The following KIAA1958 variants were observed in gnomAD, a reference collection of about 807,000 sequenced individuals.
KIAA1958 encodes uncharacterized protein KIAA1958.
A neutral mutation model predicts 47.2 loss-of-function variants in KIAA1958; 14 were observed. The ratio of observed to expected loss-of-function variants is 0.30; its 90% CI spans 0.20 to 0.46. The LOEUF (loss-of-function observed/expected upper bound fraction) is 0.46, where lower values mean the gene tolerates loss of function less well. Ranked by LOEUF, KIAA1958 falls within the 20% of genes least tolerant of loss-of-function variation. The pLI, the probability that KIAA1958 is intolerant of heterozygous loss-of-function variation, is 1.00. For synonymous variants in KIAA1958, 354 were observed against 353.3 expected (o/e 1.00, Z -0.02); for missense variants, 803 against 909.2 (o/e 0.88, Z 1.50).
At chr9:112,654,158 A>G (rs1222521566) in intron 3 of KIAA1958, among the ~76,000 whole-genome samples, 1 of 152,226 alleles carries the variant, frequency 6.6e-6, no homozygotes, top group Non-Finnish European at 1.5e-5. Flanking sequence ...TTGCACACAA[A>G]GTAAACAGTT....
chr9:112,618,317 G>A lies in KIAA1958; in HGVS notation c.1172-27333G>A. The A allele has an allele frequency of 1.9e-6, 3 of 1,551,190 alleles. No homozygotes were observed. Among genetic ancestry groups the A allele is most frequent in the Middle Eastern group, 1.7e-4 (1 of 5,998 alleles). ...GGGACTGCTAAGCCGATATAACCCC[G>A]AGGGTTTGCTCAACCTAGTCTGGCT... On this transcript the variant is annotated intron_variant, in intron 2 of 3. Transcript: ENST00000337530. This position sits in a 1 kb window ranked among gnomAD's most constrained non-coding sequence, Gnocchi z 7.1.
chr9:112,523,771 G>A (rs1834594229), intron 1 of KIAA1958, among the ~76,000 whole-genome samples: 1 of 152,228 alleles, frequency 6.6e-6, no homozygotes, highest in African/African-American at 2.4e-5. Context: ...CAGGACTCAA[G>A]TATGAGTTGA....
chr9:112,522,628 C>T (rs945376149), intron 1 of KIAA1958, among the ~76,000 whole-genome samples: 6 of 152,158 alleles, frequency 3.9e-5, no homozygotes, highest in Non-Finnish European at 5.9e-5. Context: ...TTGCTTTGAC[C>T]TTGGGTCCTG....
rs1322795553 is a variant in KIAA1958, at chr9:112,665,020, G to A, written c.*4951G>A. ...TGGTTGACCAGAATCTGATTGTTGC[G>A]CTCAATTAAAGTGCTTATTATTTAG... is the stretch of plus-strand genomic sequence containing the variant. On this transcript the variant is annotated 3_prime_UTR_variant, in exon 4 of 4. Transcript: ENST00000337530. The A allele has an allele frequency of 8.9e-5, 12 of 135,478 alleles. No homozygotes were observed. Among genetic ancestry groups the A allele is most frequent in the Admixed American group, 3.7e-4 (5 of 13,594 alleles). 8.4% of individuals were successfully genotyped at this position (135,478 alleles called of 1,614,324 possible).
At chr9:112,603,336 C>A (rs1687058516) in intron 2 of KIAA1958, among the ~76,000 whole-genome samples, 1 of 152,104 alleles carries the variant, frequency 6.6e-6, no homozygotes, top group South Asian at 2.1e-4. Flanking sequence ...GTGGCTATCC[C>A]ATTGGTCTAG....
At chr9:112,658,711 G>A (rs530441390) in intron 3 of KIAA1958, among the ~76,000 whole-genome samples, 3 of 151,980 alleles carry the variant, frequency 2.0e-5, no homozygotes, top group Non-Finnish European at 4.4e-5. Flanking sequence ...TGTAATCCCA[G>A]CACTTTGGGA....
chr9:112,600,229 G>A (rs554114408), intron 2 of KIAA1958, among the ~76,000 whole-genome samples: 163 of 152,116 alleles, frequency 1.1e-3, no homozygotes, highest in Non-Finnish European at 2.0e-3. Context: ...TTATTTATCC[G>A]CACCTGTCAT....
intron 2 of KIAA1958, chr9:112,617,856 C>A (rs990188655): frequency 3.9e-6 from 6 of 1,537,230 alleles, no homozygotes; most frequent in South Asian, 2.4e-5. Context: ...TCCCTCCCCC[C>A]CCAATTTGTT....
chr9:112,604,373 G>C (rs999669111), intron 2 of KIAA1958, among the ~76,000 whole-genome samples: 1 of 152,130 alleles, frequency 6.6e-6, no homozygotes, highest in African/African-American at 2.4e-5. Context: ...AAAACTTTTC[G>C]ATCTGTCGGC....
At chr9:112,563,098 T>TATAA (rs1835365891) in intron 1 of KIAA1958, among the ~76,000 whole-genome samples, 1 of 149,532 alleles carries the variant, frequency 6.7e-6, no homozygotes, top group South Asian at 2.1e-4. Context: ...TATATATATA[T>TATAA]AAATTTTTTT....
rs1313242824 is a variant in KIAA1958 at position 112,539,377 on chromosome 9, TA to T, written c.-24-34679del. 7.2e-5 allele frequency among the ~76,000 whole-genome samples: 11 copies of T among 152,372 alleles called. No individual in the cohort carries two copies. In the South Asian group the frequency reaches 2.3e-3, roughly 32 times the overall value. On this transcript the variant is annotated intron_variant, in intron 1 of 3. Transcript: ENST00000337530. ...ATTTGGACATAAAAAGGATACATGCTACCATATGGGTTAACCTTGAAAACAT... is the reference window on the plus strand; with the variant it reads ...ATTTGGACATAAAAAGGATACATGCTCCATATGGGTTAACCTTGAAAACAT...
Position 112,659,491 on chromosome 9 carries a change from G to T in KIAA1958, c.1573G>T (p.Ala525Ser), listed in dbSNP as rs759469555. 1.2e-6 allele frequency: 2 copies of T among 1,613,538 alleles called. No homozygotes were observed. The highest frequency in any genetic ancestry group is 2.7e-5 in the African/African-American group (2 of 74,986). ...WVLSKAGMSG[A>S]RSRNIVYFSL... ...GCTGAGTAAGGCAGGCATGTCGGGC[G>T]CGCGTTCTCGCAACATCGTCTACTT... Residue 525 changes from alanine (A) to serine (S), a missense_variant, in exon 4 of 4, where the codon GCG (alanine) becomes TCG (serine). By Grantham distance (99) the Ala-to-Ser change is moderately conservative. Around this residue, in one of 2 missense-constraint regions of KIAA1958, gnomAD observed 761 missense variants for 829.3 expected, o/e 0.92. Transcript: ENST00000337530.
At chr9:112,632,922 T>A (rs57985778) in intron 2 of KIAA1958, among the ~76,000 whole-genome samples, 87 of 126,512 alleles carry the variant, frequency 6.9e-4, no homozygotes, top group Admixed American at 4.6e-3. Context: ...TTTTTTTTTT[T>A]TAAAAAAAGA....
At chr9:112,603,745 A>G (rs1836176440) in intron 2 of KIAA1958, among the ~76,000 whole-genome samples, 1 of 152,236 alleles carries the variant, frequency 6.6e-6, no homozygotes, top group South Asian at 2.1e-4. Context: ...TACATCCCAC[A>G]GGTCTTCTTG....
rs1312334338 is a variant in KIAA1958, at chr9:112,618,184, A to G, written c.1172-27466A>G. On this transcript the variant is annotated intron_variant, in intron 2 of 3. Transcript: ENST00000337530. This position sits in a 1 kb window ranked among gnomAD's most constrained non-coding sequence, Gnocchi z 7.1. ...GGGATAAGGAATTCAAGCGTTCCCA[A>G]GAGGCCCTGAAGCAGAAGCAAATTG... is the stretch of plus-strand genomic sequence containing the variant. 5 of 1,550,642 alleles carry G rather than the reference A, an allele frequency of 3.2e-6. No homozygotes were observed. Among genetic ancestry groups the G allele is most frequent in the Non-Finnish European group, 4.4e-6 (5 of 1,147,008 alleles).
At chr9:112,651,369 T>TA (rs1368394111) in intron 3 of KIAA1958, among the ~76,000 whole-genome samples, 1 of 148,528 alleles carries the variant, frequency 6.7e-6, no homozygotes, top group Admixed American at 6.8e-5. Flanking sequence ...TATATATATA[T>TA]TTTTTATATT....
At chr9:112,603,639 G>A (rs781742497) in intron 2 of KIAA1958, among the ~76,000 whole-genome samples, 113 of 152,248 alleles carry the variant, frequency 7.4e-4, no homozygotes, top group Non-Finnish European at 1.3e-3. Context: ...ATGCATAATT[G>A]CACAGTGCCA....
intron 1 of KIAA1958, among the ~76,000 whole-genome samples, chr9:112,532,312 A>G (rs1381917648): frequency 6.6e-6 from 1 of 152,188 alleles, no homozygotes; most frequent in Non-Finnish European, 1.5e-5. Context: ...CTTTTATTAA[A>G]TCTTTTATTT....
intron 1 of KIAA1958, among the ~76,000 whole-genome samples, chr9:112,536,290 T>TATAA (rs766737569): frequency 6.6e-6 from 1 of 152,196 alleles, no homozygotes; most frequent in East Asian, 1.9e-4. Flanking sequence ...AAAACTTATA[T>TATAA]GGGTAAACAA....
Sources: gnomAD v4.1 joint callset for allele counts (sites outside exome capture counted in the v4.1 genomes callset) on GRCh38, gnomAD v4.1.1 for gene constraint, gnomAD v4.1.1 regional missense constraint, Gnocchi (gnomAD v3.1) non-coding constraint, MANE v1.5 for transcripts, NCBI Gene and HGNC (gene_info 2026-07-23, HGNC 2026-07-21) for gene names.